The following DZIP1 variants were observed in gnomAD, a reference collection of about 807,000 sequenced individuals.
The protein encoded by DZIP1 is cilium assembly protein DZIP1.
DZIP1 carries 97 observed loss-of-function variants against 107.6 expected under a neutral mutation model. The observed-to-expected ratio is 0.90, with a 90% CI of 0.77 to 1.07. The LOEUF (loss-of-function observed/expected upper bound fraction) is 1.07. Among genes scored for constraint, DZIP1 ranks in the 50% least tolerant of loss-of-function variants. The pLI is 0.00. For synonymous variants in DZIP1, 390 were observed against 386.4 expected (o/e 1.01, Z -0.11); for missense variants, 1,035 against 1,063.6 (o/e 0.97, Z 0.37).
rs2043990939 is a variant in DZIP1, at chr13:95,579,950, T to C, written c.*2284A>G. 6.6e-6 allele frequency: 1 copy of C among 152,112 alleles called. No individual in the cohort carries two copies. Among genetic ancestry groups the C allele is most frequent in the East Asian group, 1.9e-4 (1 of 5,194 alleles). 9.4% of individuals were successfully genotyped at this position (152,112 alleles called of 1,614,324 possible). A position where few individuals can be genotyped will look rare whatever the true frequency, so the allele number is the denominator to read the frequency against. On this transcript the variant is annotated 3_prime_UTR_variant, in exon 23 of 23. Coordinates refer to ENST00000376829, the MANE Select transcript of DZIP1 (RefSeq NM_198968.4). Reference sequence around the variant, plus strand: ...GGGAGGGTGGGGGATGAAGGTCTGTTAGTAACCAGAAACACATTAGTTGGG... The same window carrying C: ...GGGAGGGTGGGGGATGAAGGTCTGTCAGTAACCAGAAACACATTAGTTGGG...
intron 3 of DZIP1, 99 bp downstream of exon 3, chr13:95,642,944 C>T (rs922667697): frequency 6.6e-6 from 1 of 152,120 alleles, no homozygotes; most frequent in African/African-American, 2.4e-5. Flanking sequence ...CCTGTCTTTC[C>T]AAAAGGATAC....
At chr13:95,603,540 A>T (rs1031019613) in intron 14 of DZIP1, among the ~76,000 whole-genome samples, 1 of 152,088 alleles carries the variant, frequency 6.6e-6, no homozygotes, top group Non-Finnish European at 1.5e-5. Flanking sequence ...TTATCAGCCC[A>T]GGCAACCTAA....
At chr13:95,636,404 G>A (rs1877820771) in intron 5 of DZIP1, among the ~76,000 whole-genome samples, 1 of 151,972 alleles carries the variant, frequency 6.6e-6, no homozygotes, top group South Asian at 2.1e-4. Flanking sequence ...TTAGCCAGAT[G>A]TGGTAGCACA....
intron 14 of DZIP1, among the ~76,000 whole-genome samples, chr13:95,600,574 G>T (rs2044584036): frequency 1.4e-5 from 2 of 147,488 alleles, no homozygotes; most frequent in African/African-American, 5.0e-5. Flanking sequence ...AGAGATGATA[G>T]AGATAGATAG....
intron 13 of DZIP1, among the ~76,000 whole-genome samples, chr13:95,607,088 C>G (rs1358684336): frequency 1.3e-5 from 2 of 152,102 alleles, no homozygotes; most frequent in African/African-American, 4.8e-5. Context: ...CTCCCGTCGC[C>G]CAGGGTGGAG....
intron 19 of DZIP1, 40 bp from the exon 20 acceptor site, chr13:95,587,769 A>T: frequency 6.3e-7 from 1 of 1,586,920 alleles, no homozygotes; most frequent in Non-Finnish European, 8.6e-7. Context: ...CTGTTTTCGT[A>T]ACGCTTTAGG....
intron 19 of DZIP1, among the ~76,000 whole-genome samples, 179 bp downstream of exon 19, chr13:95,588,975 T>C (rs1477552449): frequency 4.6e-5 from 7 of 152,156 alleles, no homozygotes; most frequent in Non-Finnish European, 8.8e-5. Flanking sequence ...TTGACTTATG[T>C]AATAACTGAT....
intron 15 of DZIP1, among the ~76,000 whole-genome samples, 161 bp downstream of exon 15, chr13:95,599,204 T>A (rs1281254220): frequency 6.6e-6 from 1 of 152,140 alleles, no homozygotes; most frequent in Non-Finnish European, 1.5e-5. Flanking sequence ...GGGAATAGGA[T>A]AACAGGATAC....
chr13:95,629,265 C>T (rs1489082632), intron 7 of DZIP1, among the ~76,000 whole-genome samples: 1 of 152,238 alleles, frequency 6.6e-6, no homozygotes, highest in Non-Finnish European at 1.5e-5. Flanking sequence ...CAATGGCATA[C>T]GTGGTACCCA....
intron 16 of DZIP1, among the ~76,000 whole-genome samples, chr13:95,591,281 C>A (rs915954069): frequency 2.6e-5 from 4 of 152,122 alleles, no homozygotes; most frequent in Non-Finnish European, 5.9e-5. Context: ...CCTGCCTTGG[C>A]CTCCCAAAGT....
intron 10 of DZIP1, among the ~76,000 whole-genome samples, chr13:95,616,621 A>G (rs750177113): frequency 2.1e-4 from 32 of 152,200 alleles, no homozygotes; most frequent in Non-Finnish European, 2.8e-4. Context: ...TAATAAAGAA[A>G]AGGGACTACC....
intron 12 of DZIP1, among the ~76,000 whole-genome samples, chr13:95,610,107 T>A (rs61975167): frequency 0.51 from 61,760 of 121,594 alleles, 14,976 homozygotes; most frequent in African/African-American, 0.6. Flanking sequence ...TGTGTGTGTG[T>A]GTGTGAGAGA....
At chr13:95,593,401 G>A (rs947103012) in intron 16 of DZIP1, among the ~76,000 whole-genome samples, 1 of 152,122 alleles carries the variant, frequency 6.6e-6, no homozygotes, top group Admixed American at 6.5e-5. Flanking sequence ...ATAAACTAAT[G>A]AAGTTCAATT....
chr13:95,605,062 T>C (rs1356739898), intron 14 of DZIP1, among the ~76,000 whole-genome samples: 1 of 152,112 alleles, frequency 6.6e-6, no homozygotes, highest in Non-Finnish European at 1.5e-5. Flanking sequence ...CCACCTGAAA[T>C]GATCTTCGGG....
intron 8 of DZIP1, among the ~76,000 whole-genome samples, chr13:95,623,917 C>T (rs1306908364): frequency 6.6e-6 from 1 of 152,034 alleles, no homozygotes; most frequent in African/African-American, 2.4e-5. Context: ...CCAGACTGGG[C>T]AACAGAGAGA....
chr13:95,642,073 G>T lies in DZIP1; in HGVS notation c.-44C>A. On this transcript the variant is annotated 5_prime_UTR_variant, in exon 4 of 23. Transcript: ENST00000376829. ...TTTACCCAGCCTGGGCCGCCTCCCG[G>T]GCCGCCGCCGCCACAGCCCTCAGGA... is the stretch of plus-strand genomic sequence containing the variant. The T allele has an allele frequency of 2.0e-6, 3 of 1,491,502 alleles. No individual in the cohort carries two copies. Among genetic ancestry groups the T allele is most frequent in the Non-Finnish European group, 2.7e-6 (3 of 1,130,594 alleles). 92.4% of individuals were successfully genotyped at this position (1,491,502 alleles called of 1,614,324 possible).
rs1226707344 is a variant in DZIP1 at position 95,590,349 on chromosome 13, A to G, written c.1773T>C (p.Phe591=). Residue 591 remains phenylalanine, a synonymous_variant, in exon 17 of 23, where the codon TTT becomes TTC. Coordinates refer to ENST00000376829, the MANE Select transcript of DZIP1 (RefSeq NM_198968.4). ...GTTCAAGGAATTCTCGAATTTGATG[A>G]AAGTTAGGTATTTCTCTTTCTTGCT... ...RHKQEREIPN[F]HQIREFLEHQ... 2 of 1,613,950 alleles carry G rather than the reference A, an allele frequency of 1.2e-6. No individual in the cohort carries two copies. Among genetic ancestry groups the G allele is most frequent in the Non-Finnish European group, 1.7e-6 (2 of 1,179,948 alleles).
intron 7 of DZIP1, among the ~76,000 whole-genome samples, chr13:95,626,474 C>A (rs930346684): frequency 2.5e-4 from 38 of 152,100 alleles, no homozygotes; most frequent in Non-Finnish European, 1.6e-4. Context: ...AATTCCTACA[C>A]AAATGACCAG....
At chr13:95,636,882 G>C (rs997871917) in intron 5 of DZIP1, 5 of 152,108 alleles carry the variant, frequency 3.3e-5, no homozygotes, top group Admixed American at 1.3e-4. Context: ...AACTGATACA[G>C]AACACTCAAC....
Sources: allele counts gnomAD v4.1 joint callset (sites outside exome capture counted in the v4.1 genomes callset), GRCh38; gene constraint gnomAD v4.1.1; transcripts MANE v1.5; gene names NCBI Gene and HGNC (gene_info 2026-07-23, HGNC 2026-07-21).